Variants in CCT8 observed in about 807,000 individuals in gnomAD.
The protein encoded by CCT8 is chaperonin containing TCP1 subunit 8.
In CCT8, 10 loss-of-function variants were observed where a neutral mutation model predicts 65.7. That is an observed-to-expected ratio of 0.15 (90% confidence interval 0.09 to 0.26). The LOEUF (loss-of-function observed/expected upper bound fraction) is 0.26, where lower values mean the gene tolerates loss of function less well. CCT8 is among the 10% of genes least tolerant of loss of function. CCT8 has a pLI of 1.00. For synonymous variants in CCT8, 199 were observed against 221.8 expected, an observed-to-expected ratio of 0.90 and a Z score of 0.92; for missense variants, 568 against 669.1, an observed-to-expected ratio of 0.85 and a Z score of 1.67.
chr21:29,061,558 GAC>G lies in CCT8; in HGVS notation c.1220_1221del (p.Arg407ProfsTer11). The G allele has an allele frequency of 6.2e-7, 1 of 1,613,676 alleles. No homozygotes were observed. On this transcript the variant is annotated frameshift_variant, in exon 12 of 15. Transcript: ENST00000286788. LOFTEE classifies it high-confidence loss of function. ...TCTGTTGCTCCACCTCCGGGTACAA[GAC>G]GTTTATCCTGTATGTAGCGCCCCCA... ...NTFKVLTRDK[R>X]LVPGGGATEI...
chr21:29,073,250 C>A (rs1458427319), intron 1 of CCT8: 5 of 1,312,970 alleles, frequency 3.8e-6, no homozygotes, highest in Non-Finnish European at 9.8e-7. Context: ...CGGATGGAGG[C>A]AAAACGCACG....
intron 1 of CCT8, among the ~76,000 whole-genome samples, chr21:29,072,901 A>C (rs1239005228): frequency 6.6e-6 from 1 of 152,266 alleles, no homozygotes; most frequent in African/African-American, 2.4e-5. Context: ...CTCTTGGTCC[A>C]ATCTCCATAA....
Position 29,056,408 on chromosome 21 carries a change from A to C in CCT8, c.*67T>G. 1.3e-6 allele frequency: 1 copy of C among 786,160 alleles called. No individual in the cohort carries two copies. The highest frequency in any genetic ancestry group is 3.0e-5 in the South Asian group (1 of 33,554). The allele number at this position is 786,160 out of a possible 1,614,324, so 48.7% of individuals were successfully genotyped here. A position where few individuals can be genotyped will look rare whatever the true frequency, so the allele number is the denominator to read the frequency against. On this transcript the variant is annotated 3_prime_UTR_variant, in exon 15 of 15. Coordinates refer to ENST00000286788, the MANE Select transcript of CCT8 (RefSeq NM_006585.4). The stretch of plus-strand genomic sequence containing the variant: ...ACTCTTAATTTAAGGAGAATAAGAA[A>C]ACATCAGGTGATTCTTGAGTACTAC...
intron 1 of CCT8, chr21:29,072,110 G>GC: frequency 1.6e-6 from 1 of 616,730 alleles, no homozygotes; most frequent in South Asian, 1.9e-5. Context: ...GGGGGAAACA[G>GC]CCCAGGCTCA....
chr21:29,073,214 A>C, intron 1 of CCT8: 1 of 1,182,880 alleles, frequency 8.5e-7, no homozygotes, highest in Non-Finnish European at 1.1e-6. Context: ...ACCTCCTTTA[A>C]GGGTGACGGG....
At position 29,065,042 on chromosome 21, in the gene CCT8, C is replaced by A; in HGVS notation, c.688G>T (p.Asp230Tyr). ...TTTGCATCTTTGACAGATGTTACAT[C>A]ACCTTCGGTTTCCTTCTTAAAAACC... Reference protein sequence around the residue: ...GMVFKKETEGDVTSVKDAKIA... With the variant: ...GMVFKKETEGYVTSVKDAKIA... Residue 230 changes from aspartate to tyrosine, a missense_variant, in exon 7 of 15, where the codon GAT becomes TAT. Coordinates refer to ENST00000286788, the MANE Select transcript of CCT8 (RefSeq NM_006585.4). 1.2e-6 allele frequency: 2 copies of A among 1,613,774 alleles called. No individual in the cohort carries two copies. The highest frequency in any genetic ancestry group is 1.7e-6 in the Non-Finnish European group (2 of 1,179,712).
rs374539738 is a variant in CCT8 at position 29,073,622 on chromosome 21, G to C, written c.-32C>G. On this transcript the variant is annotated 5_prime_UTR_variant, in exon 1 of 15. Transcript: ENST00000286788. ...CCTGCAGGAAGCAGTTCACGCGACC[G>C]CTCGGAAGACCGCGGAGGAAGCGAG... 7 of 1,607,030 alleles carry C rather than the reference G, an allele frequency of 4.4e-6. No homozygotes were observed. The highest frequency in any genetic ancestry group is 2.2e-5 in the East Asian group (1 of 44,846).
At chr21:29,066,687 T>C (rs1327449930) in intron 6 of CCT8, 29 bp downstream of exon 6, 1 of 1,458,656 alleles carries the variant, frequency 6.9e-7, no homozygotes, top group Non-Finnish European at 9.4e-7. Flanking sequence ...CTGACCTAGA[T>C]ATGTAGCATT....
chr21:29,067,657 C>G lies in CCT8; in HGVS notation c.280G>C (p.Glu94Gln). Residue 94 changes from glutamate (E) to glutamine (Q), a missense_variant, in exon 4 of 15, where the codon GAG (glutamate) becomes CAG (glutamine). Transcript: ENST00000286788. ...TTTGTGCCATCTCCAACTTCTTGCT[C>G]TTGCATATGAGAAGCCATTACAATC... ...KMIVMASHMQ[E>Q]QEVGDGTNFV... is the part of the protein sequence containing the mutation. 7.3e-7 allele frequency: 1 copy of G among 1,377,932 alleles called. No homozygotes were observed. The highest frequency in any genetic ancestry group is 9.4e-7 in the Non-Finnish European group (1 of 1,061,582). 85.4% of individuals were successfully genotyped at this position (1,377,932 alleles called of 1,614,324 possible). A position where few individuals can be genotyped will look rare whatever the true frequency, so the allele number is the denominator to read the frequency against.
At position 29,066,634 on chromosome 21, in the gene CCT8, T is replaced by A. The variant is rs184347137; in HGVS notation, c.624+82A>T. 4 of 825,994 alleles carry A rather than the reference T, an allele frequency of 4.8e-6. No individual in the cohort carries two copies. In the East Asian group the frequency reaches 1.0e-4, roughly 22 times the overall value. 51.2% of individuals were successfully genotyped at this position (825,994 alleles called of 1,614,324 possible). A position where few individuals can be genotyped will look rare whatever the true frequency, so the allele number is the denominator to read the frequency against. On this transcript the variant is annotated intron_variant, in intron 6 of 14. Transcript: ENST00000286788. ...ACATTTAGGTTTAGATGAACACATT[T>A]TTTTTTTTTTGCACAAAAAAACAAA...
chr21:29,069,981 A>C (rs1377655915), intron 2 of CCT8, among the ~76,000 whole-genome samples: 1 of 152,212 alleles, frequency 6.6e-6, no homozygotes, highest in East Asian at 1.9e-4. Flanking sequence ...GTCAGAATGA[A>C]CATTAGGTAC....
In CCT8 at chr21:29,073,513, C is replaced by T. The variant is rs560026825; in HGVS notation, c.60+18G>A. The T allele has an allele frequency of 3.1e-6, 5 of 1,614,090 alleles. No homozygotes were observed. The South Asian group carries it at 4.4e-5, about 14-fold the overall frequency. On this transcript the variant is annotated intron_variant, in intron 1 of 14. Transcript: ENST00000286788. ...CTATGCTGACGCTCCCACCTCATTC[C>T]TTTCCTTCAGCCCTTACTTTCGCTC...
At chr21:29,066,013 T>TG (rs2146434207) in intron 6 of CCT8, among the ~76,000 whole-genome samples, 1 of 141,118 alleles carries the variant, frequency 7.1e-6, no homozygotes, top group Non-Finnish European at 1.5e-5. Flanking sequence ...ACCTGGGAGG[T>TG]GGAGGTTGCA....
chr21:29,062,467 T>C (rs1378604215), intron 9 of CCT8, 23 bp downstream of exon 9: 1 of 1,613,128 alleles, frequency 6.2e-7, no homozygotes, highest in East Asian at 2.2e-5. Flanking sequence ...CAACTATCTT[T>C]TAGTGTTTTC....
chr21:29,073,139 A>G (rs2085701831), intron 1 of CCT8: 1 of 383,638 alleles, frequency 2.6e-6, no homozygotes, highest in Non-Finnish European at 3.7e-6. Context: ...CTCGCGAGCT[A>G]TGTGATAATC....
intron 9 of CCT8, 25 bp downstream of exon 9, chr21:29,062,464 CT>C: frequency 1.9e-6 from 3 of 1,612,720 alleles, no homozygotes; most frequent in Non-Finnish European, 2.5e-6. Flanking sequence ...GTTCAACTAT[CT>C]TTTAGTGTTT....
Position 29,066,480 on chromosome 21 carries a change from G to A in CCT8, c.624+236C>T, listed in dbSNP as rs142427794. The stretch of plus-strand genomic sequence containing the variant: ...ACTTGAACCGGGAGGCGGAGGTTGC[G>A]GTGAGCCGAGGTCATGTCATTGCAC... On this transcript the variant is annotated intron_variant, in intron 6 of 14. Coordinates refer to ENST00000286788, the MANE Select transcript of CCT8 (RefSeq NM_006585.4). Among the ~76,000 whole-genome samples the A allele has an allele frequency of 4.2e-3, 632 of 151,660 alleles. 10 individuals are homozygous for A. In the East Asian group the frequency reaches 0.073, roughly 17 times the overall value.
At chr21:29,068,696 C>T (rs1158797428) in intron 3 of CCT8, among the ~76,000 whole-genome samples, 1 of 152,162 alleles carries the variant, frequency 6.6e-6, no homozygotes, top group East Asian at 1.9e-4. Context: ...AACTCCTGAC[C>T]TTAGGTGATC....
At chr21:29,061,143 C>G in intron 13 of CCT8, 110 bp downstream of exon 13, 1 of 873,684 alleles carries the variant, frequency 1.1e-6, no homozygotes, top group South Asian at 1.7e-5. Context: ...AAATAATCTG[C>G]TCCCAAATCA....
Sources: allele counts gnomAD v4.1 joint callset (sites outside exome capture counted in the v4.1 genomes callset), GRCh38; gene constraint gnomAD v4.1.1; transcripts MANE v1.5; gene names NCBI Gene and HGNC (gene_info 2026-07-23, HGNC 2026-07-21).